The following PCDHA9 variants were observed in gnomAD, a reference collection of about 807,000 sequenced individuals.
PCDHA9 encodes the protein protocadherin alpha-9.
PCDHA9 carries 62 observed loss-of-function variants against 62.0 expected under a neutral mutation model. That is an observed-to-expected ratio of 1.00 (90% CI 0.81 to 1.23). The LOEUF (loss-of-function observed/expected upper bound fraction) is 1.23. PCDHA9 is among the 50% of genes most tolerant of loss of function. The pLI, the probability that PCDHA9 is intolerant of heterozygous loss-of-function variation, is 0.00. For synonymous variants in PCDHA9, 557 were observed against 567.6 expected, an observed-to-expected ratio of 0.98 and a Z score of 0.27; for missense variants, 1,205 against 1,249.8, an observed-to-expected ratio of 0.96 and a Z score of 0.54.
Position 141,009,541 on chromosome 5 carries a change from A to G in PCDHA9, c.2543-86A>G. 8 of 1,530,282 alleles carry G rather than the reference A, an allele frequency of 5.2e-6. No homozygotes were observed. The South Asian group carries it at 6.6e-5, about 13-fold the overall frequency. 94.8% of individuals were successfully genotyped at this position (1,530,282 alleles called of 1,614,324 possible). Reference sequence around the variant, plus strand: ...TTTTCTGGGGAGGTTCAGCCTGCCTATGCAGTACTCCTGTACTCTACCAGC... The same window carrying G: ...TTTTCTGGGGAGGTTCAGCCTGCCTGTGCAGTACTCCTGTACTCTACCAGC... On this transcript the variant is annotated intron_variant, in intron 3 of 3. Coordinates refer to ENST00000532602, the MANE Select transcript of PCDHA9 (RefSeq NM_031857.2).
intron 3 of PCDHA9, among the ~76,000 whole-genome samples, chr5:141,008,075 G>A (rs1002549445): frequency 2.0e-5 from 3 of 152,004 alleles, no homozygotes; most frequent in Non-Finnish European, 1.5e-5. Flanking sequence ...GAACTTATTG[G>A]GGTTATTCTA....
At chr5:140,999,551 G>C (rs1189671768) in intron 3 of PCDHA9, among the ~76,000 whole-genome samples, 3 of 152,088 alleles carry the variant, frequency 2.0e-5, no homozygotes, top group East Asian at 1.9e-4. Context: ...CAATGAAGAG[G>C]GGGTATTTTG....
At chr5:140,980,852 T>G (rs1233523507) in intron 2 of PCDHA9, among the ~76,000 whole-genome samples, 5 of 152,184 alleles carry the variant, frequency 3.3e-5, no homozygotes, top group African/African-American at 1.2e-4. Flanking sequence ...TACTAATCTT[T>G]TTCGTATGTG....
chr5:140,877,625 A>T (rs1554169929), intron 1 of PCDHA9: 1 of 1,613,774 alleles, frequency 6.2e-7, no homozygotes, highest in Non-Finnish European at 8.5e-7. Context: ...CTGCTGCTGT[A>T]CACTGCGCTG....
At chr5:140,967,843 T>C (rs782701780) in intron 1 of PCDHA9, 3 of 1,614,102 alleles carry the variant, frequency 1.9e-6, no homozygotes, top group Admixed American at 3.3e-5. Flanking sequence ...TGGACGTGAA[T>C]GACAATGCCC....
intron 1 of PCDHA9, chr5:140,928,071 C>CTACTACAGCCTGCTG: frequency 6.2e-7 from 1 of 1,614,220 alleles, no homozygotes; most frequent in South Asian, 1.1e-5. Context: ...CCTTTGACAA[C>CTACTACAGCCTGCTG]TACTACAGCC....
chr5:140,856,563 G>A (rs1554148859), intron 1 of PCDHA9: 3 of 1,597,526 alleles, frequency 1.9e-6, no homozygotes, highest in Middle Eastern at 1.7e-4. Context: ...TACAAACTCA[G>A]TCCAAATGAG....
intron 1 of PCDHA9, chr5:140,858,475 GAAT>G (rs2045440906): frequency 2.0e-6 from 3 of 1,517,006 alleles, no homozygotes; most frequent in East Asian, 4.9e-5. Context: ...TGTGCTTTAT[GAAT>G]AATATTTTCT....
intron 1 of PCDHA9, among the ~76,000 whole-genome samples, chr5:140,922,803 A>G (rs2080995467): frequency 6.6e-6 from 1 of 152,246 alleles, no homozygotes; most frequent in African/African-American, 2.4e-5. Flanking sequence ...TGGAATACAG[A>G]AAAAGGAGAT....
chr5:140,897,080 A>AT lies in PCDHA9; in HGVS notation c.2394+46197dup, dbSNP rs201233181. The stretch of plus-strand genomic sequence containing the variant: ...ATACTATGTCTTATTCATTTTTTCT[A>AT]TTTTTTATCCTCATTAAAAATCTCC... On this transcript the variant is annotated intron_variant, in intron 1 of 3. Transcript: ENST00000532602. 8.0e-3 allele frequency among the ~76,000 whole-genome samples: 1,212 copies of AT among 152,020 alleles called. 6 individuals carry two copies. Among genetic ancestry groups the AT allele is most frequent in the African/African-American group, 0.019 (783 of 41,452 alleles).
intron 1 of PCDHA9, chr5:140,852,192 T>C: frequency 1.4e-6 from 1 of 716,718 alleles, no homozygotes; most frequent in Non-Finnish European, 1.8e-6. Context: ...AAAATGCCAG[T>C]AACGTTTATT....
At chr5:140,869,694 G>T (rs782372405) in intron 1 of PCDHA9, 8 of 1,613,394 alleles carry the variant, frequency 5.0e-6, no homozygotes, top group Non-Finnish European at 6.8e-6. Context: ...TTATTTTAAA[G>T]AAGTCTCTGG....
At position 140,856,636 on chromosome 5, in the gene PCDHA9, G is replaced by A. The variant is rs368149411; in HGVS notation, c.2394+5747G>A. 231 of 1,598,104 alleles carry A rather than the reference G, an allele frequency of 1.4e-4. 24 individuals are homozygous for A. The highest frequency in any genetic ancestry group is 1.6e-4 in the Non-Finnish European group (182 of 1,167,716). The stretch of plus-strand genomic sequence containing the variant: ...ACAAATTCCCAGTGCTTGTTCTGCG[G>A]AAGCTGCTGGATCGTGAAGAAAATC... On this transcript the variant is annotated intron_variant, in intron 1 of 3. Coordinates refer to ENST00000532602, the MANE Select transcript of PCDHA9 (RefSeq NM_031857.2).
At chr5:140,989,171 G>A (rs2097331816) in intron 3 of PCDHA9, among the ~76,000 whole-genome samples, 1 of 152,116 alleles carries the variant, frequency 6.6e-6, no homozygotes, top group African/African-American at 2.4e-5. Flanking sequence ...GCATAAAACA[G>A]GAGAGTTTCT....
At chr5:140,954,832 A>G (rs2095096599) in intron 1 of PCDHA9, among the ~76,000 whole-genome samples, 1 of 152,208 alleles carries the variant, frequency 6.6e-6, no homozygotes, top group Admixed American at 6.5e-5. Flanking sequence ...CACTTTTGTC[A>G]TGAAATCTTT....
rs782182425 is a variant in PCDHA9 at position 140,876,300 on chromosome 5, A to C, written c.2394+25411A>C. On this transcript the variant is annotated intron_variant, in intron 1 of 3. Coordinates refer to ENST00000532602, the MANE Select transcript of PCDHA9 (RefSeq NM_031857.2). ...ATCCAGACGAAGGACTTAATGGAGA[A>C]ATTTCCTATGGGATCAAAATGATTT... 2.1e-5 allele frequency: 34 copies of C among 1,613,966 alleles called. No individual in the cohort carries two copies. Among genetic ancestry groups the C allele is most frequent in the Non-Finnish European group, 2.9e-5 (34 of 1,179,910 alleles).
chr5:140,854,644 T>C (rs1213707122), intron 1 of PCDHA9: 1 of 150,056 alleles, frequency 6.7e-6, no homozygotes, highest in African/African-American at 2.4e-5. Flanking sequence ...AAAACATCAT[T>C]AAATAAAATA....
chr5:140,871,657 T>A, intron 1 of PCDHA9: 1 of 1,228,196 alleles, frequency 8.1e-7, no homozygotes, highest in Non-Finnish European at 1.1e-6. Context: ...ATGATACACA[T>A]CTTCAGTCTT....
intron 1 of PCDHA9, among the ~76,000 whole-genome samples, chr5:140,937,911 CAAAA>C (rs200797202): frequency 8.5e-6 from 1 of 117,894 alleles, no homozygotes; most frequent in Non-Finnish European, 1.9e-5. Context: ...GACTCCGTCT[CAAAA>C]AAAAAAAAAA....
Sources: gnomAD v4.1 joint callset for allele counts (sites outside exome capture counted in the v4.1 genomes callset) on GRCh38, gnomAD v4.1.1 for gene constraint, MANE v1.5 for transcripts, NCBI Gene and HGNC (gene_info 2026-07-23, HGNC 2026-07-21) for gene names.